CYP2R1: variants seen among roughly 807,000 people sequenced by gnomAD.
CYP2R1 encodes cytochrome P450 family 2 subfamily R member 1.
CYP2R1 carries 40 observed loss-of-function variants against 45.7 expected under a neutral mutation model. That is an observed-to-expected ratio of 0.87 (90% CI 0.68 to 1.14). CYP2R1 has a LOEUF of 1.14. Among genes scored for constraint, CYP2R1 ranks in the 50% most tolerant of loss-of-function variants. The probability of loss-of-function intolerance (pLI) is 0.00; values close to 1 mark genes in which losing one functional copy is unlikely to be tolerated. For missense variants in CYP2R1, 605 were observed against 602.6 expected (o/e 1.00, Z -0.04); for synonymous variants, 234 against 219.3 (o/e 1.07, Z -0.59).
At chr11:14,885,728 G>A in intron 2 of CYP2R1, 48 bp downstream of exon 2, 1 of 1,584,656 alleles carries the variant, frequency 6.3e-7, no homozygotes. Flanking sequence ...TAAGGAATGT[G>A]ATTTAAAATA....
At chr11:14,878,814 G>T (rs892845356) in intron 4 of CYP2R1, among the ~76,000 whole-genome samples, 2 of 152,056 alleles carry the variant, frequency 1.3e-5, no homozygotes, top group Non-Finnish European at 2.9e-5. Flanking sequence ...CCCTCTCTGG[G>T]TCTCAGTTTC....
intron 1 of CYP2R1, chr11:14,891,090 C>G (rs1848834693): frequency 4.1e-6 from 4 of 985,410 alleles, no homozygotes; most frequent in Non-Finnish European, 4.8e-6. Flanking sequence ...CAAAACAAAA[C>G]AGGTGAGCTC....
Position 14,892,083 on chromosome 11 carries a change from C to CG in CYP2R1, c.122dup (p.Pro43AlafsTer51). On this transcript the variant is annotated frameshift_variant, in exon 1 of 5. Coordinates refer to ENST00000334636, the MANE Select transcript of CYP2R1 (RefSeq NM_024514.5). LOFTEE classifies it high-confidence loss of function. The stretch of plus-strand genomic sequence containing the variant: ...CGATAAATGGCAGCCCCGGCGGCCC[C>CG]GGGGGGAAGCCCATCGGCCGCCTCT... The CG allele has an allele frequency of 6.2e-7, 1 of 1,611,666 alleles. No homozygotes were observed. Among genetic ancestry groups the CG allele is most frequent in the South Asian group, 1.1e-5 (1 of 91,054 alleles).
chr11:14,886,987 G>C (rs1237332484), intron 1 of CYP2R1: 1 of 152,236 alleles, frequency 6.6e-6, no homozygotes, highest in Non-Finnish European at 1.5e-5. Context: ...GGTATATCCA[G>C]AACCTTGGGA....
chr11:14,892,099 G>C lies in CYP2R1; in HGVS notation c.107C>G (p.Pro36Arg). The C allele has an allele frequency of 6.2e-7, 1 of 1,611,658 alleles. No individual in the cohort carries two copies. The highest frequency in any genetic ancestry group is 8.5e-7 in the Non-Finnish European group (1 of 1,179,666). ...CGGCGGCCCCGGGGGGAAGCCCATC[G>C]GCCGCCTCTGCTTCAGCAGCTGGCG... ...GVRQLLKQRR[P>R]MGFPPGPPGL... is the part of the protein sequence containing the mutation. The change falls in exon 1 of 5, where the codon CCG (proline) becomes CGG (arginine). Residue 36 changes from proline to arginine, a missense_variant. Transcript: ENST00000334636.
At chr11:14,884,430 G>T (rs1848524625) in intron 2 of CYP2R1, among the ~76,000 whole-genome samples, 3 of 149,844 alleles carry the variant, frequency 2.0e-5, no homozygotes. Context: ...ACTATCGCAA[G>T]AACAAAAAAC....
intron 1 of CYP2R1, among the ~76,000 whole-genome samples, chr11:14,889,521 T>G (rs1848749897): frequency 6.6e-6 from 1 of 152,174 alleles, no homozygotes; most frequent in South Asian, 2.1e-4. Context: ...TCTTTTTCAT[T>G]TTTGCTCCTT....
At position 14,892,212 on chromosome 11, in the gene CYP2R1, G is replaced by A. The variant is rs781921158; in HGVS notation, c.-7C>T. 18 of 1,608,430 alleles carry A rather than the reference G, an allele frequency of 1.1e-5. No homozygotes were observed. Among genetic ancestry groups the A allele is most frequent in the Middle Eastern group, 2.2e-4 (1 of 4,520 alleles). On this transcript the variant is annotated 5_prime_UTR_variant, in exon 1 of 5. Transcript: ENST00000334636. Reference sequence around the variant, plus strand: ...CTCTCCAAAGCTTCCACATCGGCCCGAGCTGGAGGTGCGAACTCCACAGCA... The same window carrying A: ...CTCTCCAAAGCTTCCACATCGGCCCAAGCTGGAGGTGCGAACTCCACAGCA...
intron 1 of CYP2R1, chr11:14,887,666 C>G: frequency 1.0e-6 from 1 of 984,788 alleles, no homozygotes; most frequent in Non-Finnish European, 1.2e-6. Flanking sequence ...GTCTCTTTCC[C>G]TCACCCAAAC....
Position 14,880,370 on chromosome 11 carries a change from A to AT in CYP2R1, c.765_766insA (p.Phe256IlefsTer7). On this transcript the variant is annotated frameshift_variant, in exon 3 of 5. Transcript: ENST00000334636. LOFTEE classifies it high-confidence loss of function. Reference sequence around the variant, plus strand: ...GCTTTTTCAATGAGTCTGGAGAGAAAATCATAGACTACAGCTGCATTTCTA... The same window carrying AT: ...GCTTTTTCAATGAGTCTGGAGAGAAATATCATAGACTACAGCTGCATTTCTA... 1 of 1,613,420 alleles carries AT rather than the reference A, an allele frequency of 6.2e-7. No individual in the cohort carries two copies. The highest frequency in any genetic ancestry group is 8.5e-7 in the Non-Finnish European group (1 of 1,179,648).
chr11:14,883,395 C>T (rs1208238706), intron 2 of CYP2R1, among the ~76,000 whole-genome samples: 20 of 152,202 alleles, frequency 1.3e-4, no homozygotes, highest in Non-Finnish European at 2.4e-4. Flanking sequence ...CTACAACTAT[C>T]TGATCTTTGA....
At chr11:14,883,282 T>C (rs1253702578) in intron 2 of CYP2R1, among the ~76,000 whole-genome samples, 1 of 151,854 alleles carries the variant, frequency 6.6e-6, no homozygotes, top group East Asian at 1.9e-4. Flanking sequence ...GACTTCAAAC[T>C]ATACTACAAG....
upstream of CYP2R1, chr11:14,892,323 T>C (rs1848895359): frequency 6.1e-6 from 6 of 987,098 alleles, no homozygotes; most frequent in Non-Finnish European, 9.1e-6. Context: ...CCGTGGCCAT[T>C]GGCTGACTGA....
Position 14,878,376 on chromosome 11 carries a change from T to C in CYP2R1, c.1331-79A>G, listed in dbSNP as rs546601873. ...ATTAATGTCTAATATTTGGATGTCA[T>C]TCAGGAAATCTGGAATTTAAACAAA... On this transcript the variant is annotated intron_variant, in intron 4 of 4. Transcript: ENST00000334636. 2.1e-5 allele frequency: 28 copies of C among 1,349,412 alleles called. No individual in the cohort carries two copies. The African/African-American group carries it at 3.8e-4, about 18-fold the overall frequency. 83.6% of individuals were successfully genotyped at this position (1,349,412 alleles called of 1,614,324 possible).
At chr11:14,882,787 C>T (rs1299029459) in intron 2 of CYP2R1, among the ~76,000 whole-genome samples, 5 of 152,200 alleles carry the variant, frequency 3.3e-5, no homozygotes, top group Non-Finnish European at 5.9e-5. Flanking sequence ...GAAAACCCCA[C>T]TGTCTCAGCC....
At chr11:14,889,779 T>A (rs1314320762) in intron 1 of CYP2R1, among the ~76,000 whole-genome samples, 1 of 152,186 alleles carries the variant, frequency 6.6e-6, no homozygotes, top group Non-Finnish European at 1.5e-5. Context: ...TTCAAATAAC[T>A]TGTTTAAAAA....
At chr11:14,883,573 T>C (rs1848478322) in intron 2 of CYP2R1, among the ~76,000 whole-genome samples, 2 of 151,846 alleles carry the variant, frequency 1.3e-5, no homozygotes, top group Non-Finnish European at 2.9e-5. Flanking sequence ...CCTAAAACCA[T>C]AAAAACCCTA....
chr11:14,882,463 C>A (rs1410749644), intron 2 of CYP2R1, among the ~76,000 whole-genome samples: 10 of 152,018 alleles, frequency 6.6e-5, no homozygotes, highest in Non-Finnish European at 8.8e-5. Flanking sequence ...GAAATATGTG[C>A]ACATGGGATA....
intron 1 of CYP2R1, chr11:14,891,090 CAGG>C: frequency 1.0e-6 from 1 of 985,410 alleles, no homozygotes; most frequent in Non-Finnish European, 1.2e-6. Context: ...CAAAACAAAA[CAGG>C]TGAGCTCTGT....
Sources: gnomAD v4.1 joint callset for allele counts (sites outside exome capture counted in the v4.1 genomes callset) on GRCh38, gnomAD v4.1.1 for gene constraint, MANE v1.5 for transcripts, NCBI Gene and HGNC (gene_info 2026-07-23, HGNC 2026-07-21) for gene names.